The following ZBTB20 variants were observed in gnomAD, a reference collection of about 807,000 sequenced individuals.
ZBTB20 encodes zinc finger and BTB domain-containing protein 20.
In ZBTB20, 9 loss-of-function variants were observed where a neutral mutation model predicts 56.9. The observed-to-expected ratio is 0.16, with a 90% confidence interval of 0.10 to 0.28. The LOEUF (loss-of-function observed/expected upper bound fraction) is 0.28. Ranked by LOEUF, ZBTB20 falls within the 10% of genes least tolerant of loss-of-function variation. The pLI, the probability that ZBTB20 is intolerant of heterozygous loss-of-function variation, is 1.00. For missense variants in ZBTB20, 655 were observed against 1,003.0 expected (o/e 0.65, Z 4.69); for synonymous variants, 417 against 420.7 (o/e 0.99, Z 0.11).
At chr3:114,506,599 C>T (rs909735377) in intron 6 of ZBTB20, among the ~76,000 whole-genome samples, 1 of 152,112 alleles carries the variant, frequency 6.6e-6, no homozygotes, top group African/African-American at 2.4e-5. Flanking sequence ...AGAACTTTCT[C>T]TTCTATATCT....
intron 3 of ZBTB20, among the ~76,000 whole-genome samples, chr3:114,921,054 A>C (rs78499365): frequency 0.016 from 2,371 of 152,324 alleles, 28 homozygotes; most frequent in African/African-American, 0.03. Context: ...AATTCGGAAC[A>C]GATTAATAGC....
At chr3:114,562,688 A>G (rs570328885) in intron 6 of ZBTB20, among the ~76,000 whole-genome samples, 1 of 152,294 alleles carries the variant, frequency 6.6e-6, no homozygotes, top group East Asian at 1.9e-4. Context: ...AAAGTGAGAG[A>G]TAACGTGACT....
intron 6 of ZBTB20, among the ~76,000 whole-genome samples, chr3:114,678,102 T>A (rs1166697343): frequency 6.6e-6 from 1 of 152,206 alleles, no homozygotes; most frequent in Non-Finnish European, 1.5e-5. Context: ...AGTATTCTCA[T>A]AATAGCTTAG....
intron 7 of ZBTB20, among the ~76,000 whole-genome samples, chr3:114,475,892 C>CT (rs1002822499): frequency 2.6e-5 from 4 of 151,894 alleles, no homozygotes; most frequent in East Asian, 1.9e-4. Flanking sequence ...TAAGTATATT[C>CT]TTTTTTTTGA....
At chr3:114,733,179 T>C (rs1030465667) in intron 5 of ZBTB20, among the ~76,000 whole-genome samples, 1 of 152,190 alleles carries the variant, frequency 6.6e-6, no homozygotes, top group Non-Finnish European at 1.5e-5. Context: ...TACCCATTTA[T>C]AGAAACAGAC....
chr3:114,409,975 T>C (rs1396726929), intron 7 of ZBTB20, among the ~76,000 whole-genome samples: 1 of 152,156 alleles, frequency 6.6e-6, no homozygotes, highest in Non-Finnish European at 1.5e-5. Context: ...CTACTAGTTC[T>C]AGAAAATAAC....
At chr3:114,694,440 T>C (rs2062879569) in intron 5 of ZBTB20, among the ~76,000 whole-genome samples, 1 of 151,994 alleles carries the variant, frequency 6.6e-6, no homozygotes, top group Non-Finnish European at 1.5e-5. Context: ...ACTACCACAA[T>C]GAAAGCCTTG....
At chr3:114,547,646 A>G (rs1239247868) in intron 6 of ZBTB20, among the ~76,000 whole-genome samples, 5 of 152,198 alleles carry the variant, frequency 3.3e-5, no homozygotes, top group African/African-American at 1.2e-4. Flanking sequence ...GTGTTACTAT[A>G]GGCACACAGA....
chr3:114,852,907 G>A (rs567783708), intron 4 of ZBTB20, among the ~76,000 whole-genome samples: 1 of 152,108 alleles, frequency 6.6e-6, no homozygotes, highest in East Asian at 1.9e-4. Context: ...ACTCGACCGT[G>A]CACATTGTTC....
rs78357637 is a variant in ZBTB20, at chr3:114,359,737, T to G, written c.200-7859A>C. 8.8e-4 allele frequency among the ~76,000 whole-genome samples: 134 copies of G among 152,368 alleles called. 1 individual carries two copies. In the East Asian group the frequency reaches 0.025, roughly 29 times the overall value. On this transcript the variant is annotated intron_variant, in intron 10 of 11. Transcript: ENST00000675478. ...CTTAAATTCACAAATTTGTGCTGTT[T>G]GAACTTGGCTTTGAATAGACCTTAA...
At chr3:115,092,904 G>A (rs369475094) in intron 1 of ZBTB20, among the ~76,000 whole-genome samples, 4 of 152,022 alleles carry the variant, frequency 2.6e-5, no homozygotes, top group Non-Finnish European at 4.4e-5. Context: ...ATAAATGTCC[G>A]TTATTCTTCC....
chr3:114,657,286 T>C (rs1330004542), intron 6 of ZBTB20, among the ~76,000 whole-genome samples: 2 of 152,224 alleles, frequency 1.3e-5, no homozygotes, highest in African/African-American at 4.8e-5. Context: ...CTATAATTAA[T>C]TTCTTAGTTC....
At chr3:114,835,724 T>C (rs926396100) in intron 4 of ZBTB20, among the ~76,000 whole-genome samples, 8 of 152,138 alleles carry the variant, frequency 5.3e-5, no homozygotes, top group Non-Finnish European at 8.8e-5. Context: ...TATTTGGTAG[T>C]CCATAGATAC....
intron 7 of ZBTB20, among the ~76,000 whole-genome samples, chr3:114,396,715 C>T (rs1445273995): frequency 2.0e-5 from 3 of 152,130 alleles, no homozygotes; most frequent in African/African-American, 4.8e-5. Context: ...CCACCATTGG[C>T]TTAGGCTAGA....
At chr3:114,431,681 G>A (rs1012993277) in intron 7 of ZBTB20, among the ~76,000 whole-genome samples, 13 of 152,136 alleles carry the variant, frequency 8.5e-5, no homozygotes, top group Admixed American at 5.2e-4. Context: ...AAGGACACAT[G>A]ACTCATACCC....
At chr3:114,925,962 A>T (rs1267872369) in intron 3 of ZBTB20, among the ~76,000 whole-genome samples, 1 of 152,200 alleles carries the variant, frequency 6.6e-6, no homozygotes, top group Non-Finnish European at 1.5e-5. Flanking sequence ...AATTTGGCTA[A>T]TCTCATATTG....
intron 1 of ZBTB20, among the ~76,000 whole-genome samples, chr3:115,128,561 G>A (rs774182501): frequency 6.6e-6 from 1 of 151,876 alleles, no homozygotes; most frequent in African/African-American, 2.4e-5. Flanking sequence ...CTACTCGGGA[G>A]GCTGAAGCAT....
intron 7 of ZBTB20, among the ~76,000 whole-genome samples, chr3:114,483,765 G>T (rs536911835): frequency 2.0e-5 from 3 of 152,140 alleles, no homozygotes; most frequent in Non-Finnish European, 4.4e-5. Context: ...GCTTTTAAGA[G>T]AATTTTAAGT....
At chr3:115,044,111 C>T (rs942250175) in intron 2 of ZBTB20, among the ~76,000 whole-genome samples, 1 of 152,188 alleles carries the variant, frequency 6.6e-6, no homozygotes, top group Non-Finnish European at 1.5e-5. Flanking sequence ...ACCATGCTTC[C>T]TGTACAGCCT....
Sources: allele counts gnomAD v4.1 joint callset (sites outside exome capture counted in the v4.1 genomes callset), GRCh38; gene constraint gnomAD v4.1.1; transcripts MANE v1.5; gene names NCBI Gene and HGNC (gene_info 2026-07-23, HGNC 2026-07-21).